The following CACNA2D3 variants were observed in gnomAD, a reference collection of about 807,000 sequenced individuals.
CACNA2D3 encodes voltage-dependent calcium channel subunit alpha-2/delta-3.
Under a neutral mutation model 160.6 loss-of-function variants are expected in CACNA2D3, and 60 were observed. The observed-to-expected ratio is 0.37, with a 90% CI of 0.30 to 0.46. CACNA2D3 has a LOEUF of 0.46. CACNA2D3 is among the 20% of genes least tolerant of loss of function. CACNA2D3 has a pLI of 1.00. For synonymous variants in CACNA2D3, 558 were observed against 492.9 expected (o/e 1.13, Z -1.75); for missense variants, 1,205 against 1,365.0 (o/e 0.88, Z 1.85).
chr3:54,740,283 A>G (rs1203660749), intron 11 of CACNA2D3, among the ~76,000 whole-genome samples: 1 of 152,176 alleles, frequency 6.6e-6, no homozygotes, highest in Admixed American at 6.5e-5. Context: ...TACAACTTTT[A>G]CTGACTGAAG....
chr3:54,486,752 A>G (rs1472919308), intron 4 of CACNA2D3, among the ~76,000 whole-genome samples: 3 of 152,096 alleles, frequency 2.0e-5, no homozygotes, highest in African/African-American at 7.2e-5. Flanking sequence ...TCCCTGGAAA[A>G]GGACTGTAAT....
intron 35 of CACNA2D3, among the ~76,000 whole-genome samples, chr3:55,031,466 A>C (rs1054083127): frequency 2.0e-5 from 3 of 152,242 alleles, no homozygotes; most frequent in Admixed American, 2.0e-4. Flanking sequence ...CCTGAAATGC[A>C]GCATGTTGAA....
chr3:54,335,958 C>T (rs1270588655), intron 3 of CACNA2D3, among the ~76,000 whole-genome samples: 2 of 141,910 alleles, frequency 1.4e-5, no homozygotes, highest in South Asian at 4.7e-4. Context: ...GAGCTGAGAT[C>T]GCGCCACTGT....
At chr3:55,061,000 G>A (rs1704493629) in intron 35 of CACNA2D3, among the ~76,000 whole-genome samples, 1 of 152,122 alleles carries the variant, frequency 6.6e-6, no homozygotes, top group Non-Finnish European at 1.5e-5. Context: ...TTGTTTTCAA[G>A]CTGTAGGTCG....
chr3:54,190,896 C>T (rs559812280), intron 2 of CACNA2D3, among the ~76,000 whole-genome samples: 23 of 152,146 alleles, frequency 1.5e-4, no homozygotes, highest in Admixed American at 1.5e-3. Flanking sequence ...CTCGTTGGGC[C>T]TCTGTTTTCT....
chr3:54,820,434 GA>G (rs1039307086), intron 14 of CACNA2D3, among the ~76,000 whole-genome samples: 55 of 151,746 alleles, frequency 3.6e-4, no homozygotes, highest in Admixed American at 1.8e-3. Context: ...ACAACAGTTT[GA>G]AAAAAAATAT....
intron 2 of CACNA2D3, among the ~76,000 whole-genome samples, chr3:54,145,914 C>T (rs1281608021): frequency 6.6e-6 from 1 of 152,192 alleles, no homozygotes; most frequent in Non-Finnish European, 1.5e-5. Flanking sequence ...TATCTTTCTG[C>T]ACTGCATTTT....
chr3:55,024,492 T>G (rs1214636731), intron 35 of CACNA2D3, among the ~76,000 whole-genome samples: 2 of 152,072 alleles, frequency 1.3e-5, no homozygotes, highest in African/African-American at 4.8e-5. Flanking sequence ...TCTGCCCTTA[T>G]GAAAGGTATT....
intron 2 of CACNA2D3, among the ~76,000 whole-genome samples, chr3:54,215,394 A>T (rs747952114): frequency 5.6e-4 from 85 of 152,338 alleles, no homozygotes; most frequent in Non-Finnish European, 9.0e-4. Context: ...ATACAGTATT[A>T]TTAACTATAG....
At chr3:54,230,110 G>A (rs964085534) in intron 2 of CACNA2D3, among the ~76,000 whole-genome samples, 1 of 150,648 alleles carries the variant, frequency 6.6e-6, no homozygotes, top group South Asian at 2.1e-4. Context: ...TACACACAGT[G>A]CTATTAAGTC....
At chr3:54,998,771 G>A (rs751485399) in intron 31 of CACNA2D3, among the ~76,000 whole-genome samples, 2 of 149,946 alleles carry the variant, frequency 1.3e-5, no homozygotes, top group East Asian at 4.0e-4. Flanking sequence ...TTTTGAGATG[G>A]AGTCTTGCTC....
intron 11 of CACNA2D3, among the ~76,000 whole-genome samples, chr3:54,735,739 A>G (rs1415972519): frequency 6.6e-6 from 1 of 151,934 alleles, no homozygotes; most frequent in African/African-American, 2.4e-5. Flanking sequence ...TTATATTCCT[A>G]GTACCTCAGA....
At chr3:54,805,839 A>T (rs1041981682) in intron 13 of CACNA2D3, among the ~76,000 whole-genome samples, 1 of 152,208 alleles carries the variant, frequency 6.6e-6, no homozygotes, top group Non-Finnish European at 1.5e-5. Flanking sequence ...CAGCACATCA[A>T]AAAGCTTATC....
At chr3:55,004,314 G>A (rs1477397523) in intron 31 of CACNA2D3, among the ~76,000 whole-genome samples, 1 of 152,158 alleles carries the variant, frequency 6.6e-6, no homozygotes, top group Non-Finnish European at 1.5e-5. Context: ...CCTGTTTCCT[G>A]GTGCTTAAGA....
intron 4 of CACNA2D3, among the ~76,000 whole-genome samples, chr3:54,477,195 T>G (rs937886561): frequency 1.3e-5 from 2 of 152,126 alleles, no homozygotes; most frequent in South Asian, 2.1e-4. Context: ...AGTGATGAGA[T>G]GGGTATCTGG....
chr3:54,205,889 T>C (rs1171316762), intron 2 of CACNA2D3, among the ~76,000 whole-genome samples: 2 of 152,204 alleles, frequency 1.3e-5, no homozygotes, highest in African/African-American at 4.8e-5. Flanking sequence ...AAATTTGAAC[T>C]TCAGATAAAC....
intron 35 of CACNA2D3, among the ~76,000 whole-genome samples, chr3:55,051,647 C>A (rs573155729): frequency 1.4e-4 from 22 of 152,152 alleles, no homozygotes; most frequent in Admixed American, 3.9e-4. Flanking sequence ...TTCGAGCTTC[C>A]GGGCTGCTTT....
intron 11 of CACNA2D3, among the ~76,000 whole-genome samples, chr3:54,719,899 A>G (rs1045243249): frequency 2.0e-5 from 3 of 151,914 alleles, no homozygotes; most frequent in Non-Finnish European, 4.4e-5. Context: ...GAATGTGTCC[A>G]TTTCCTATAA....
chr3:54,889,895 C>T (rs942701274), intron 24 of CACNA2D3, among the ~76,000 whole-genome samples: 17 of 152,280 alleles, frequency 1.1e-4, no homozygotes, highest in African/African-American at 4.1e-4. Flanking sequence ...TCATTCCTAA[C>T]ACATACTAAA....
Sources: gnomAD v4.1 joint callset for allele counts (sites outside exome capture counted in the v4.1 genomes callset) on GRCh38, gnomAD v4.1.1 for gene constraint, MANE v1.5 for transcripts, NCBI Gene and HGNC (gene_info 2026-07-23, HGNC 2026-07-21) for gene names.